The following MGAT4C variants were observed in gnomAD, a reference collection of about 807,000 sequenced individuals.
MGAT4C encodes the protein alpha-1,3-mannosyl-glycoprotein 4-beta-N-acetylglucosaminyltransferase C.
In MGAT4C, 19 loss-of-function variants were observed where a neutral mutation model predicts 40.1. The ratio of observed to expected loss-of-function variants is 0.47; its 90% CI spans 0.33 to 0.70. MGAT4C has a LOEUF of 0.70. Ranked by LOEUF, MGAT4C falls within the 30% of genes least tolerant of loss-of-function variation. MGAT4C has a pLI of 0.02. For synonymous variants in MGAT4C, 181 were observed against 187.1 expected, an observed-to-expected ratio of 0.97 and a Z score of 0.27; for missense variants, 491 against 563.2, an observed-to-expected ratio of 0.87 and a Z score of 1.30.
chr12:86,054,417 G>A (rs1439064957), intron 1 of MGAT4C, among the ~76,000 whole-genome samples: 1 of 151,938 alleles, frequency 6.6e-6, no homozygotes, highest in African/African-American at 2.4e-5. Flanking sequence ...GTTACCAGGG[G>A]CTGGAATGGA....
chr12:86,736,647 A>G (rs2136125441), intron 1 of MGAT4C, among the ~76,000 whole-genome samples: 1 of 151,750 alleles, frequency 6.6e-6, no homozygotes, highest in African/African-American at 2.4e-5. Flanking sequence ...TATCATCCTA[A>G]TTCATTCACT....
At chr12:86,194,761 G>C (rs1489155822) in intron 1 of MGAT4C, among the ~76,000 whole-genome samples, 1 of 152,142 alleles carries the variant, frequency 6.6e-6, no homozygotes, top group East Asian at 1.9e-4. Flanking sequence ...ACTGCGCCCA[G>C]CTGGAGCAAA....
chr12:86,789,571 C>G (rs533191462), intron 1 of MGAT4C, among the ~76,000 whole-genome samples: 1 of 152,232 alleles, frequency 6.6e-6, no homozygotes, highest in Admixed American at 6.5e-5. Flanking sequence ...TCAACTAACT[C>G]TAGATACAGA....
intron 1 of MGAT4C, among the ~76,000 whole-genome samples, chr12:86,217,259 C>A (rs1396701972): frequency 1.3e-5 from 2 of 152,168 alleles, no homozygotes; most frequent in Non-Finnish European, 2.9e-5. Context: ...ACTGCAACTT[C>A]AGCCTCCCAG....
At chr12:85,993,316 G>A (rs1193627652) in intron 2 of MGAT4C, among the ~76,000 whole-genome samples, 1 of 152,180 alleles carries the variant, frequency 6.6e-6, no homozygotes, top group Non-Finnish European at 1.5e-5. Flanking sequence ...GGGAGGAGTT[G>A]GAAGAATGGC....
chr12:86,185,273 T>C (rs1008553356), intron 1 of MGAT4C, among the ~76,000 whole-genome samples: 1 of 152,172 alleles, frequency 6.6e-6, no homozygotes, highest in Non-Finnish European at 1.5e-5. Flanking sequence ...ATATTTACTA[T>C]CTTCATTTTG....
chr12:86,154,836 T>C (rs1884725544), intron 1 of MGAT4C, among the ~76,000 whole-genome samples: 1 of 152,166 alleles, frequency 6.6e-6, no homozygotes, highest in Non-Finnish European at 1.5e-5. Context: ...GCTTCCCACG[T>C]GCCTGATCCT....
At chr12:86,760,943 T>C (rs1665985710) in intron 1 of MGAT4C, among the ~76,000 whole-genome samples, 1 of 152,180 alleles carries the variant, frequency 6.6e-6, no homozygotes, top group Admixed American at 6.5e-5. Flanking sequence ...GCAAGATTTG[T>C]AGGAAGAGAT....
chr12:86,203,936 A>G, intron 1 of MGAT4C, among the ~76,000 whole-genome samples: 1 of 150,132 alleles, frequency 6.7e-6, no homozygotes. Context: ...CAGCCTGGGC[A>G]ACGAGAGCGA....
At chr12:86,046,917 T>G (rs1892451591) in intron 2 of MGAT4C, among the ~76,000 whole-genome samples, 1 of 152,196 alleles carries the variant, frequency 6.6e-6, no homozygotes, top group Non-Finnish European at 1.5e-5. Flanking sequence ...CTGCTAAACT[T>G]CTCATTAATT....
intron 3 of MGAT4C, among the ~76,000 whole-genome samples, chr12:86,350,988 T>C (rs1447398001): frequency 6.6e-6 from 1 of 151,864 alleles, no homozygotes; most frequent in Middle Eastern, 3.4e-3. Context: ...TCTATATATA[T>C]AAACCCAGTT....
chr12:86,222,801 A>G (rs1442935112), intron 1 of MGAT4C, among the ~76,000 whole-genome samples: 1 of 152,196 alleles, frequency 6.6e-6, no homozygotes, highest in Non-Finnish European at 1.5e-5. Context: ...AGAGAAGGTT[A>G]ATGTCAAGAT....
intron 2 of MGAT4C, among the ~76,000 whole-genome samples, chr12:86,456,163 C>A (rs1048345763): frequency 2.0e-5 from 3 of 152,004 alleles, no homozygotes; most frequent in African/African-American, 7.2e-5. Flanking sequence ...GGCTGGAAGA[C>A]AAATGCTGAA....
At chr12:86,142,681 G>A (rs550335418) in intron 1 of MGAT4C, among the ~76,000 whole-genome samples, 2 of 151,990 alleles carry the variant, frequency 1.3e-5, no homozygotes, top group African/African-American at 4.8e-5. Context: ...TACATAGGTA[G>A]GGATGGAGAG....
chr12:86,171,005 A>C (rs1428243279), intron 1 of MGAT4C, among the ~76,000 whole-genome samples: 1 of 152,178 alleles, frequency 6.6e-6, no homozygotes, highest in Non-Finnish European at 1.5e-5. Context: ...TCTGAGGTAC[A>C]TTCTAAGTAT....
At chr12:86,722,144 G>GT (rs1288307211) in intron 2 of MGAT4C, among the ~76,000 whole-genome samples, 1 of 152,142 alleles carries the variant, frequency 6.6e-6, no homozygotes, top group Non-Finnish European at 1.5e-5. Context: ...TCTCCCAGCA[G>GT]TGAGCTCAAG....
intron 2 of MGAT4C, among the ~76,000 whole-genome samples, chr12:85,992,801 C>A (rs1886107054): frequency 6.6e-6 from 1 of 152,240 alleles, no homozygotes; most frequent in African/African-American, 2.4e-5. Context: ...GTCCCATGTG[C>A]TGGCCTTCTT....
In MGAT4C at chr12:86,420,932, C is replaced by T. The variant is rs1282129530; in HGVS notation, c.-120+14225G>A. Among the ~76,000 whole-genome samples, 5 of 150,824 alleles carry T rather than the reference C, an allele frequency of 3.3e-5. No homozygotes were observed. In the East Asian group the frequency reaches 9.8e-4, roughly 29 times the overall value. On this transcript the variant is annotated intron_variant, in intron 3 of 7. Transcript: ENST00000548651. ...ATATGTGTATATATACATACATATACATGTGTATATATATACTTTTTCTGG... is the reference window on the plus strand; with the variant it reads ...ATATGTGTATATATACATACATATATATGTGTATATATATACTTTTTCTGG...
At chr12:86,797,994 T>A (rs193272061) in intron 1 of MGAT4C, among the ~76,000 whole-genome samples, 2 of 152,088 alleles carry the variant, frequency 1.3e-5, no homozygotes, top group African/African-American at 2.4e-5. Flanking sequence ...CTTTATATCT[T>A]AACTGTGTAC....
Sources: gnomAD v4.1 joint callset for allele counts (sites outside exome capture counted in the v4.1 genomes callset) on GRCh38, gnomAD v4.1.1 for gene constraint, MANE v1.5 for transcripts, NCBI Gene and HGNC (gene_info 2026-07-23, HGNC 2026-07-21) for gene names.